PPP1R3A: variants seen among roughly 807,000 people sequenced by gnomAD.
PPP1R3A encodes RG1.
A neutral mutation model predicts 41.7 loss-of-function variants in PPP1R3A; 29 were observed. The ratio of observed to expected loss-of-function variants is 0.70; its 90% CI spans 0.52 to 0.95. The LOEUF (loss-of-function observed/expected upper bound fraction) is 0.95. Among genes scored for constraint, PPP1R3A ranks in the 40% least tolerant of loss-of-function variants. The pLI is 0.00. For synonymous variants in PPP1R3A, 485 were observed against 453.4 expected, an observed-to-expected ratio of 1.07 and a Z score of -0.89; for missense variants, 1,352 against 1,292.4, an observed-to-expected ratio of 1.05 and a Z score of -0.71.
Position 113,889,343 on chromosome 7 carries a change from A to C in PPP1R3A, c.783-7023T>G, listed in dbSNP as rs144467664. Among the ~76,000 whole-genome samples, 435 of 152,282 alleles carry C rather than the reference A, an allele frequency of 2.9e-3. 2 individuals are homozygous for C. The highest frequency in any genetic ancestry group is 1.0e-2 in the African/African-American group (415 of 41,576). On this transcript the variant is annotated intron_variant, in intron 1 of 3. Coordinates refer to ENST00000284601, the MANE Select transcript of PPP1R3A (RefSeq NM_002711.4). ...CTCTTAAGATATCAAGAAATAAAGA[A>C]TTATGCAGAGGTTTCTAATTTGGAG...
At position 113,877,669 on chromosome 7, in the gene PPP1R3A, C is replaced by A. The variant is rs757194640; in HGVS notation, c.*54G>T. ...CAATGAATAGTCCCATTCACCAATC[C>A]AAATGTTTGGGGTTAAATAGCTTAT... On this transcript the variant is annotated 3_prime_UTR_variant, in exon 4 of 4. Transcript: ENST00000284601. 36 of 1,495,612 alleles carry A rather than the reference C, an allele frequency of 2.4e-5. No individual in the cohort carries two copies. The Middle Eastern group carries it at 1.6e-3, about 67-fold the overall frequency. 92.6% of individuals were successfully genotyped at this position (1,495,612 alleles called of 1,614,324 possible).
At chr7:113,913,146 C>A (rs975753176) in intron 1 of PPP1R3A, among the ~76,000 whole-genome samples, 9 of 152,110 alleles carry the variant, frequency 5.9e-5, no homozygotes, top group Non-Finnish European at 1.2e-4. Context: ...ACAGACCCAG[C>A]TTCCACAATT....
chr7:113,913,352 T>C lies in PPP1R3A; in HGVS notation c.782+4863A>G, dbSNP rs117054546. Among the ~76,000 whole-genome samples the C allele has an allele frequency of 5.4e-3, 818 of 152,258 alleles. 6 individuals are homozygous for C. The highest frequency in any genetic ancestry group is 0.02 in the Middle Eastern group (6 of 294). ...CTTAGACCCCATTTCCCAATGCTTT[T>C]CTTGGCCTCATTTTCACAATTTTAC... On this transcript the variant is annotated intron_variant, in intron 1 of 3. Transcript: ENST00000284601.
intron 1 of PPP1R3A, among the ~76,000 whole-genome samples, chr7:113,915,385 C>G (rs1369640002): frequency 6.6e-6 from 1 of 151,858 alleles, no homozygotes; most frequent in Non-Finnish European, 1.5e-5. Context: ...CTCAGGCACC[C>G]TGATAGCAAA....
At chr7:113,903,119 T>C (rs112267181) in intron 1 of PPP1R3A, among the ~76,000 whole-genome samples, 1 of 151,800 alleles carries the variant, frequency 6.6e-6, no homozygotes, top group Non-Finnish European at 1.5e-5. Flanking sequence ...AGTAGAGTAG[T>C]TCCTATATAT....
At chr7:113,897,562 A>G (rs976217349) in intron 1 of PPP1R3A, among the ~76,000 whole-genome samples, 4 of 16,698 alleles carry the variant, frequency 2.4e-4, no homozygotes, top group Non-Finnish European at 1.2e-3. Context: ...CTGTCTCTTA[A>G]AGGAAAAAAA....
chr7:113,916,300 A>G (rs1178911889), intron 1 of PPP1R3A, among the ~76,000 whole-genome samples: 1 of 152,100 alleles, frequency 6.6e-6, no homozygotes, highest in Non-Finnish European at 1.5e-5. Context: ...TCCCCAAAGC[A>G]ATATTAAAAC....
chr7:113,906,012 A>T (rs1169218308), intron 1 of PPP1R3A, among the ~76,000 whole-genome samples: 1 of 151,834 alleles, frequency 6.6e-6, no homozygotes, highest in Non-Finnish European at 1.5e-5. Context: ...AACTTATAGA[A>T]AAGTAAAATT....
In PPP1R3A at chr7:113,877,751, C is replaced by G; in HGVS notation, c.3341G>C (p.Arg1114Thr). 1 of 1,570,372 alleles carries G rather than the reference C, an allele frequency of 6.4e-7. No homozygotes were observed. The highest frequency in any genetic ancestry group is 8.6e-7 in the Non-Finnish European group (1 of 1,160,706). Residue 1114 changes from arginine (R) to threonine (T), a missense_variant, in exon 4 of 4, where the codon AGA (arginine) becomes ACA (threonine). Arg to Thr is a moderately conservative substitution (Grantham distance 71). Transcript: ENST00000284601. ...CTTCTTTTTGACAGACTCTTTTTGT[C>G]TACCCTCTTCCCAGGATAGCCAGGA... Reference protein sequence around the residue: ...SLSWLSWEEGRQKESVKKK With the variant: ...SLSWLSWEEGTQKESVKKK
Position 113,877,679 on chromosome 7 carries a change from G to C in PPP1R3A, c.*44C>G, listed in dbSNP as rs200845493. ...TCCCATTCACCAATCCAAATGTTTG[G>C]GGTTAAATAGCTTATCTTTTAAGAG... On this transcript the variant is annotated 3_prime_UTR_variant, in exon 4 of 4. Transcript: ENST00000284601. The C allele has an allele frequency of 8.0e-6, 12 of 1,505,926 alleles. No individual in the cohort carries two copies. Among genetic ancestry groups the C allele is most frequent in the East Asian group, 2.3e-5 (1 of 43,990 alleles). 93.3% of individuals were successfully genotyped at this position (1,505,926 alleles called of 1,614,324 possible).
At position 113,918,581 on chromosome 7, in the gene PPP1R3A, G is replaced by A; in HGVS notation, c.416C>T (p.Ser139Phe). The A allele has an allele frequency of 6.2e-7, 1 of 1,613,326 alleles. No individual in the cohort carries two copies. The change falls in exon 1 of 4, where the codon TCT (serine) becomes TTT (phenylalanine). Residue 139 changes from serine to phenylalanine, a missense_variant. Coordinates refer to ENST00000284601, the MANE Select transcript of PPP1R3A (RefSeq NM_002711.4). ...TCGAATAATACCCTTGATACTTGTA[G>A]ACCCAAGAAGAGACTCAGTTGACTC... The part of the protein sequence containing the change: ...ILESTESLLG[S>F]TSIKGIIRVL...
chr7:113,914,932 C>G (rs961520355), intron 1 of PPP1R3A, among the ~76,000 whole-genome samples: 11 of 151,976 alleles, frequency 7.2e-5, no homozygotes, highest in African/African-American at 2.7e-4. Context: ...GCTTATTTGT[C>G]TATGTACATT....
At chr7:113,917,277 G>A (rs1227203634) in intron 1 of PPP1R3A, among the ~76,000 whole-genome samples, 1 of 151,956 alleles carries the variant, frequency 6.6e-6, no homozygotes, top group Non-Finnish European at 1.5e-5. Flanking sequence ...CTCAGAGGAT[G>A]ATCAAACATT....
intron 1 of PPP1R3A, among the ~76,000 whole-genome samples, chr7:113,901,600 T>C (rs2129118527): frequency 6.6e-6 from 1 of 151,946 alleles, no homozygotes; most frequent in East Asian, 2.0e-4. Flanking sequence ...GTTTTGCTTT[T>C]TTCATTTTCT....
chr7:113,912,258 C>T (rs190619927), intron 1 of PPP1R3A, among the ~76,000 whole-genome samples: 2 of 152,184 alleles, frequency 1.3e-5, no homozygotes, highest in Non-Finnish European at 2.9e-5. Context: ...TAAAATCAGA[C>T]ATTTCCATTT....
At chr7:113,887,903 C>A (rs1176355318) in intron 1 of PPP1R3A, among the ~76,000 whole-genome samples, 1 of 151,966 alleles carries the variant, frequency 6.6e-6, no homozygotes, top group Non-Finnish European at 1.5e-5. Context: ...TGGTGGCAGG[C>A]ACCTGTAATC....
At chr7:113,904,317 T>C (rs1335337009) in intron 1 of PPP1R3A, among the ~76,000 whole-genome samples, 1 of 151,704 alleles carries the variant, frequency 6.6e-6, no homozygotes, top group Non-Finnish European at 1.5e-5. Context: ...TAAATTTCCT[T>C]TGACAAATTT....
chr7:113,902,585 C>T (rs750457783), intron 1 of PPP1R3A, among the ~76,000 whole-genome samples: 1 of 151,812 alleles, frequency 6.6e-6, no homozygotes, highest in Non-Finnish European at 1.5e-5. Context: ...TGCTAGTCTG[C>T]AAACATTCCT....
chr7:113,882,199 G>T (rs746272590), intron 2 of PPP1R3A, 36 bp from the exon 3 acceptor site: 2 of 1,601,454 alleles, frequency 1.2e-6, no homozygotes, highest in Non-Finnish European at 1.7e-6. Context: ...ATGTAAGATT[G>T]TTTTAATTGT....
Sources: allele counts gnomAD v4.1 joint callset (sites outside exome capture counted in the v4.1 genomes callset), GRCh38; gene constraint gnomAD v4.1.1; transcripts MANE v1.5; gene names NCBI Gene and HGNC (gene_info 2026-07-23, HGNC 2026-07-21).